Variants in ACER2 observed in about 807,000 individuals in gnomAD.
ACER2 encodes the protein alkCDase 2.
In ACER2, 26 loss-of-function variants were observed where a neutral mutation model predicts 34.7. That is an observed-to-expected ratio of 0.75 (90% CI 0.55 to 1.04). The LOEUF (loss-of-function observed/expected upper bound fraction) is 1.04. ACER2 is among the 50% of genes least tolerant of loss of function. The pLI, the probability that ACER2 is intolerant of heterozygous loss-of-function variation, is 0.00. For missense variants in ACER2, 352 were observed against 340.8 expected, an observed-to-expected ratio of 1.03 and a Z score of -0.26; for synonymous variants, 138 against 132.1, an observed-to-expected ratio of 1.04 and a Z score of -0.31.
At chr9:19,435,980 C>T (rs774151093) in intron 4 of ACER2, among the ~76,000 whole-genome samples, 3 of 151,918 alleles carry the variant, frequency 2.0e-5, no homozygotes, top group Admixed American at 6.6e-5. Context: ...ACCCGGGAGG[C>T]GGAGCTTGCA....
At chr9:19,434,248 A>G (rs1343985459) in intron 3 of ACER2, among the ~76,000 whole-genome samples, 1 of 150,802 alleles carries the variant, frequency 6.6e-6, no homozygotes, top group Non-Finnish European at 1.5e-5. Flanking sequence ...CACTTCCCAG[A>G]TGGAATGGCA....
rs140218173 is a variant in ACER2 at position 19,434,742 on chromosome 9, C to T, written c.366-205C>T. ...GCAGCAGTATAGTCCAGCTTCGGCTCGGCATGAGAGGGAGACCCTCTCTTT... is the reference window on the plus strand; with the variant it reads ...GCAGCAGTATAGTCCAGCTTCGGCTTGGCATGAGAGGGAGACCCTCTCTTT... On this transcript the variant is annotated intron_variant, in intron 3 of 5. Coordinates refer to ENST00000340967, the MANE Select transcript of ACER2 (RefSeq NM_001010887.3). Among the ~76,000 whole-genome samples the T allele has an allele frequency of 2.0e-4, 31 of 151,282 alleles. No homozygotes were observed. The East Asian group carries it at 4.7e-3, about 23-fold the overall frequency.
At position 19,446,026 on chromosome 9, in the gene ACER2, G is replaced by A. The variant is rs146069460; in HGVS notation, c.504-255G>A. 1.5e-3 allele frequency among the ~76,000 whole-genome samples: 232 copies of A among 152,304 alleles called. 2 individuals are homozygous for A. Among genetic ancestry groups the A allele is most frequent in the African/African-American group, 4.6e-3 (191 of 41,564 alleles). Reference sequence around the variant, plus strand: ...AATTTAGATCCATATTAGGGTGCTCGTGTCAAAAATGTAGTTGGGTGTATG... The same window carrying A: ...AATTTAGATCCATATTAGGGTGCTCATGTCAAAAATGTAGTTGGGTGTATG... On this transcript the variant is annotated intron_variant, in intron 4 of 5. Coordinates refer to ENST00000340967, the MANE Select transcript of ACER2 (RefSeq NM_001010887.3).
chr9:19,411,926 T>C (rs1352858378), intron 1 of ACER2, among the ~76,000 whole-genome samples: 1 of 152,202 alleles, frequency 6.6e-6, no homozygotes, highest in Non-Finnish European at 1.5e-5. Context: ...CTATTTATTA[T>C]ATCCATTTGA....
At chr9:19,416,984 T>A (rs1171485705) in intron 1 of ACER2, among the ~76,000 whole-genome samples, 2 of 152,198 alleles carry the variant, frequency 1.3e-5, no homozygotes, top group East Asian at 3.8e-4. Flanking sequence ...AATCCCATCC[T>A]CTCAGCCCAA....
At chr9:19,417,046 A>G (rs147879243) in intron 1 of ACER2, among the ~76,000 whole-genome samples, 202 of 152,192 alleles carry the variant, frequency 1.3e-3, no homozygotes, top group Middle Eastern at 6.8e-3. Context: ...ATACAAAATC[A>G]TTGTGTAAAA....
intron 4 of ACER2, among the ~76,000 whole-genome samples, chr9:19,443,150 T>C (rs143622839): frequency 0.14 from 21,622 of 152,116 alleles, 4,438 homozygotes; most frequent in African/African-American, 0.46. Context: ...CCTGCTTCAG[T>C]CTCCGGAGTA....
chr9:19,448,004 CTTTTTT>C (rs557934540), intron 5 of ACER2, among the ~76,000 whole-genome samples: 4 of 109,900 alleles, frequency 3.6e-5, no homozygotes, highest in Non-Finnish European at 7.1e-5. Context: ...ACGATGCAAA[CTTTTTT>C]TTTTTTTTTT....
chr9:19,445,370 A>G (rs1227910450), intron 4 of ACER2, among the ~76,000 whole-genome samples: 2 of 152,216 alleles, frequency 1.3e-5, no homozygotes, highest in East Asian at 3.8e-4. Context: ...ACAGCAGTAA[A>G]CAGATTCCAT....
chr9:19,422,653 G>A (rs898442848), intron 1 of ACER2, among the ~76,000 whole-genome samples: 2 of 152,008 alleles, frequency 1.3e-5, no homozygotes, highest in African/African-American at 4.8e-5. Context: ...ATTATTGGGA[G>A]CTGGACAATG....
chr9:19,432,956 T>C (rs2132499142), intron 3 of ACER2, among the ~76,000 whole-genome samples: 1 of 151,264 alleles, frequency 6.6e-6, no homozygotes, highest in Non-Finnish European at 1.5e-5. Context: ...TCTGAAAAAA[T>C]ACAGAGAAAT....
chr9:19,446,128 T>G, intron 4 of ACER2, 153 bp from the exon 5 acceptor site: 252 of 1,078,350 alleles, frequency 2.3e-4, no homozygotes, highest in Non-Finnish European at 2.8e-4. Context: ...TTTACATCCA[T>G]GAGACTGTGG....
chr9:19,422,948 C>G (rs1443197047), intron 1 of ACER2, among the ~76,000 whole-genome samples: 1 of 150,634 alleles, frequency 6.6e-6, no homozygotes, highest in Non-Finnish European at 1.5e-5. Context: ...AGGAGAATCG[C>G]TTGAACCTGG....
At chr9:19,437,291 C>G (rs1831008377) in intron 4 of ACER2, among the ~76,000 whole-genome samples, 1 of 152,192 alleles carries the variant, frequency 6.6e-6, no homozygotes, top group African/African-American at 2.4e-5. Flanking sequence ...TTCCCAAATT[C>G]TGTCTTAGAG....
At chr9:19,448,573 A>G (rs1252745539) in intron 5 of ACER2, among the ~76,000 whole-genome samples, 2 of 151,988 alleles carry the variant, frequency 1.3e-5, no homozygotes, top group Non-Finnish European at 2.9e-5. Flanking sequence ...TCATATGTTA[A>G]ATTAATATTA....
chr9:19,413,924 C>T (rs1474111469), intron 1 of ACER2, among the ~76,000 whole-genome samples: 1 of 152,174 alleles, frequency 6.6e-6, no homozygotes, highest in East Asian at 1.9e-4. Flanking sequence ...TGAGCATTTG[C>T]TGGGCAACAA....
intron 3 of ACER2, among the ~76,000 whole-genome samples, chr9:19,433,977 G>C (rs1269257058): frequency 6.6e-6 from 1 of 151,436 alleles, no homozygotes; most frequent in African/African-American, 2.4e-5. Flanking sequence ...CCTCCCGGAC[G>C]GGGTGGCTGC....
chr9:19,423,804 T>C (rs1442953085), intron 1 of ACER2, 58 bp from the exon 2 acceptor site: 1 of 1,346,084 alleles, frequency 7.4e-7, no homozygotes, highest in African/African-American at 1.4e-5. Flanking sequence ...GAGGCCACTT[T>C]ATTTTTTGCC....
intron 3 of ACER2, 31 bp from the exon 4 acceptor site, chr9:19,434,916 A>G (rs1039914150): frequency 1.6e-5 from 25 of 1,611,630 alleles, no homozygotes; most frequent in Non-Finnish European, 1.9e-5. Context: ...CTCCTTTTCT[A>G]ATGGATTTGG....
Sources: gnomAD v4.1 joint callset for allele counts (sites outside exome capture counted in the v4.1 genomes callset) on GRCh38, gnomAD v4.1.1 for gene constraint, MANE v1.5 for transcripts, NCBI Gene and HGNC (gene_info 2026-07-23, HGNC 2026-07-21) for gene names.